DOCK2: variants seen among roughly 807,000 people sequenced by gnomAD.
DOCK2 encodes the protein dedicator of cytokinesis 2.
In DOCK2, 87 loss-of-function variants were observed where a neutral mutation model predicts 248.9. That is an observed-to-expected ratio of 0.35 (90% CI 0.29 to 0.42). The LOEUF (loss-of-function observed/expected upper bound fraction) is 0.42. Among genes scored for constraint, DOCK2 ranks in the 10% least tolerant of loss-of-function variants. The pLI, the probability that DOCK2 is intolerant of heterozygous loss-of-function variation, is 1.00. For synonymous variants in DOCK2, 805 were observed against 821.6 expected (o/e 0.98, Z 0.35); for missense variants, 1,747 against 2,300.2 (o/e 0.76, Z 4.92).
intron 32 of DOCK2, among the ~76,000 whole-genome samples, chr5:170,013,074 C>G (rs1755366128): frequency 6.6e-6 from 1 of 151,836 alleles, no homozygotes; most frequent in African/African-American, 2.4e-5. Context: ...TAAGTGAGGA[C>G]TATAAGGATG....
intron 27 of DOCK2, among the ~76,000 whole-genome samples, chr5:169,944,145 A>G (rs986557115): frequency 6.6e-6 from 1 of 152,114 alleles, no homozygotes; most frequent in African/African-American, 2.4e-5. Flanking sequence ...TTATGGATGG[A>G]GAAATTGAGG....
chr5:170,046,172 C>A (rs1756702219), intron 39 of DOCK2, among the ~76,000 whole-genome samples: 1 of 152,248 alleles, frequency 6.6e-6, no homozygotes, highest in Non-Finnish European at 1.5e-5. Flanking sequence ...ACTGCCACCG[C>A]TGCTGCAGCC....
At chr5:170,069,717 A>G (rs1757614174) in intron 46 of DOCK2, among the ~76,000 whole-genome samples, 1 of 152,134 alleles carries the variant, frequency 6.6e-6, no homozygotes, top group Non-Finnish European at 1.5e-5. Flanking sequence ...GTTGTGAGTC[A>G]AAGGGTCTAC....
intron 23 of DOCK2, among the ~76,000 whole-genome samples, chr5:169,758,482 A>T (rs983827194): frequency 6.6e-6 from 1 of 152,218 alleles, no homozygotes; most frequent in African/African-American, 2.4e-5. Flanking sequence ...TTTAAAATTT[A>T]AAAATTATAA....
At position 169,909,730 on chromosome 5, in the gene DOCK2, A is replaced by G. The variant is rs545532100; in HGVS notation, c.2799+68878A>G. On this transcript the variant is annotated intron_variant, in intron 27 of 51. Transcript: ENST00000520908. ...CCTCAACAAACAGAATTTTGGTTCT[A>G]TCCCAAAGCCAGTGTCACTGTGAAT... 3.9e-5 allele frequency among the ~76,000 whole-genome samples: 6 copies of G among 152,326 alleles called. No individual in the cohort carries two copies. In the South Asian group the frequency reaches 1.0e-3, roughly 26 times the overall value.
intron 27 of DOCK2, among the ~76,000 whole-genome samples, chr5:169,963,543 T>C (rs1670889019): frequency 6.6e-6 from 1 of 152,124 alleles, no homozygotes. Flanking sequence ...CTTTGCTGGT[T>C]TGGTAGTGCT....
At chr5:169,760,249 G>C (rs546011957) in intron 24 of DOCK2, among the ~76,000 whole-genome samples, 1 of 151,636 alleles carries the variant, frequency 6.6e-6, no homozygotes, top group Non-Finnish European at 1.5e-5. Context: ...TGGAATAGGG[G>C]CATTTCAATC....
intron 27 of DOCK2, among the ~76,000 whole-genome samples, chr5:169,950,620 G>A (rs963969768): frequency 3.3e-5 from 5 of 152,194 alleles, no homozygotes; most frequent in Non-Finnish European, 5.9e-5. Context: ...GATTTTCTAT[G>A]TGACAGGAGG....
intron 27 of DOCK2, among the ~76,000 whole-genome samples, chr5:169,978,400 G>C (rs889213787): frequency 7.2e-6 from 1 of 139,772 alleles, no homozygotes; most frequent in African/African-American, 2.7e-5. Flanking sequence ...TGTGGGGGGG[G>C]GGGGGTGTAG....
At chr5:169,667,250 C>T (rs1287159849) in intron 2 of DOCK2, among the ~76,000 whole-genome samples, 1 of 152,206 alleles carries the variant, frequency 6.6e-6, no homozygotes, top group Admixed American at 6.5e-5. Context: ...TCTCTATTTG[C>T]ACTCTAACCC....
intron 45 of DOCK2, among the ~76,000 whole-genome samples, chr5:170,067,964 C>T (rs1055912428): frequency 6.6e-6 from 1 of 152,178 alleles, no homozygotes; most frequent in African/African-American, 2.4e-5. Context: ...TGGGCAGATT[C>T]AGGTGGCTCT....
chr5:169,838,061 A>G (rs1769700441), intron 26 of DOCK2, among the ~76,000 whole-genome samples: 1 of 152,214 alleles, frequency 6.6e-6, no homozygotes, highest in Admixed American at 6.5e-5. Context: ...AATGCAGAAA[A>G]TATAAGGGAG....
intron 27 of DOCK2, among the ~76,000 whole-genome samples, chr5:169,888,227 G>A (rs772056784): frequency 6.6e-6 from 1 of 152,068 alleles, no homozygotes; most frequent in Non-Finnish European, 1.5e-5. Context: ...AATACACCTG[G>A]CTAAAAGCAC....
chr5:169,637,356 G>A lies in DOCK2; in HGVS notation c.30G>A (p.Glu10=). 7.0e-7 allele frequency: 1 copy of A among 1,431,954 alleles called. No homozygotes were observed. Among genetic ancestry groups the A allele is most frequent in the East Asian group, 3.0e-5 (1 of 33,054 alleles). The allele number at this position is 1,431,954 out of a possible 1,614,324, so 88.7% of individuals were successfully genotyped here. A position where few individuals can be genotyped will look rare whatever the true frequency, so the allele number is the denominator to read the frequency against. ...CCCCCTGGCGCAAAGCTGACAAGGA[G>A]CGGCACGGCGTGGGTAGGTGCGGGC... MAPWRKADK[E]RHGVAIYNFQ... Residue 10 remains glutamate, a synonymous_variant, in exon 1 of 52, where the codon GAG becomes GAA. Transcript: ENST00000520908.
At chr5:169,841,330 A>G in intron 27 of DOCK2, 1 of 991,242 alleles carries the variant, frequency 1.0e-6, no homozygotes, top group Non-Finnish European at 1.2e-6. Flanking sequence ...ATTCTTCTGC[A>G]TAAACAGTAT....
chr5:169,843,058 A>G (rs914322087), intron 27 of DOCK2, among the ~76,000 whole-genome samples: 1 of 152,048 alleles, frequency 6.6e-6, no homozygotes, highest in African/African-American at 2.4e-5. Flanking sequence ...TCACAACCAC[A>G]TTTTTCAGTC....
chr5:169,848,959 C>A (rs1023521516), intron 27 of DOCK2, among the ~76,000 whole-genome samples: 1 of 152,042 alleles, frequency 6.6e-6, no homozygotes, highest in Non-Finnish European at 1.5e-5. Flanking sequence ...TTGGAAATGA[C>A]CCATCTAAGC....
At chr5:169,740,830 G>GTTTTGT (rs976247829) in intron 22 of DOCK2, among the ~76,000 whole-genome samples, 4 of 152,066 alleles carry the variant, frequency 2.6e-5, no homozygotes, top group African/African-American at 4.8e-5. Context: ...CTGTGTATGT[G>GTTTTGT]TTTTGTTTTT....
At position 169,853,060 on chromosome 5, in the gene DOCK2, C is replaced by T. The variant is rs557576442; in HGVS notation, c.2799+12208C>T. Among the ~76,000 whole-genome samples, 35 of 152,258 alleles carry T rather than the reference C, an allele frequency of 2.3e-4. No individual in the cohort carries two copies. The East Asian group carries it at 5.0e-3, about 22-fold the overall frequency. On this transcript the variant is annotated intron_variant, in intron 27 of 51. Coordinates refer to ENST00000520908, the MANE Select transcript of DOCK2 (RefSeq NM_004946.3). ...TTGAATCAGCCAGGCAGGTCTTTTCCATGCTGTTTTCATGGTAGTGAATAA... is the reference window on the plus strand; with the variant it reads ...TTGAATCAGCCAGGCAGGTCTTTTCTATGCTGTTTTCATGGTAGTGAATAA...
Sources: allele counts gnomAD v4.1 joint callset (sites outside exome capture counted in the v4.1 genomes callset), GRCh38; gene constraint gnomAD v4.1.1; transcripts MANE v1.5; gene names NCBI Gene and HGNC (gene_info 2026-07-23, HGNC 2026-07-21).